The following CCDC91 variants were observed in gnomAD, a reference collection of about 807,000 sequenced individuals.
CCDC91 encodes the protein coiled-coil domain-containing protein 91.
Under a neutral mutation model 63.2 loss-of-function variants are expected in CCDC91, and 48 were observed. The observed-to-expected ratio is 0.76, with a 90% CI of 0.60 to 0.97. CCDC91 has a LOEUF of 0.97. Among genes scored for constraint, CCDC91 ranks in the 50% least tolerant of loss-of-function variants. The pLI, the probability that CCDC91 is intolerant of heterozygous loss-of-function variation, is 0.00. For synonymous variants in CCDC91, 167 were observed against 165.8 expected, an observed-to-expected ratio of 1.01 and a Z score of -0.06; for missense variants, 500 against 494.6, an observed-to-expected ratio of 1.01 and a Z score of -0.10.
intron 8 of CCDC91, among the ~76,000 whole-genome samples, chr12:28,442,434 A>G (rs1183847279): frequency 1.3e-5 from 2 of 152,110 alleles, no homozygotes; most frequent in Non-Finnish European, 2.9e-5. Context: ...GTGTCATTAT[A>G]CATAACTCTG....
At chr12:28,426,193 T>C (rs1025660053) in intron 8 of CCDC91, among the ~76,000 whole-genome samples, 1 of 152,214 alleles carries the variant, frequency 6.6e-6, no homozygotes, top group Non-Finnish European at 1.5e-5. Context: ...GAACCTCTTC[T>C]ATGAGTTAGA....
chr12:28,499,759 G>A (rs972629466), intron 12 of CCDC91, among the ~76,000 whole-genome samples: 2 of 152,104 alleles, frequency 1.3e-5, no homozygotes, highest in African/African-American at 4.8e-5. Context: ...GGGCATTTGG[G>A]TTGGTTCCAA....
intron 12 of CCDC91, among the ~76,000 whole-genome samples, chr12:28,501,413 T>C (rs1301600063): frequency 6.6e-6 from 1 of 151,976 alleles, no homozygotes; most frequent in East Asian, 1.9e-4. Context: ...GTTTTTAGCA[T>C]GAAGGGTTGT....
intron 5 of CCDC91, 50 bp downstream of exon 5, chr12:28,306,995 T>G: frequency 8.3e-7 from 1 of 1,210,636 alleles, no homozygotes; most frequent in Non-Finnish European, 1.2e-6. Context: ...TATTAGAAAT[T>G]TGATATAATC....
rs543920930 is a variant in CCDC91 at position 28,418,167 on chromosome 12, C to T, written c.762+26756C>T. ...TTTCCAATGTGGCTGTACCATTTTGCATTCTCACAAGCAATGTATGTGTGT... is the reference window on the plus strand; with the variant it reads ...TTTCCAATGTGGCTGTACCATTTTGTATTCTCACAAGCAATGTATGTGTGT... On this transcript the variant is annotated intron_variant, in intron 8 of 12. Transcript: ENST00000536442. Among the ~76,000 whole-genome samples the T allele has an allele frequency of 3.3e-5, 5 of 152,208 alleles. No individual in the cohort carries two copies. The East Asian group carries it at 9.7e-4, about 29-fold the overall frequency.
chr12:28,455,484 A>G (rs138297850), intron 11 of CCDC91, among the ~76,000 whole-genome samples: 1 of 152,198 alleles, frequency 6.6e-6, no homozygotes, highest in African/African-American at 2.4e-5. Context: ...TGAGTTTCAC[A>G]TTTATAATTA....
intron 1 of CCDC91, among the ~76,000 whole-genome samples, chr12:28,217,382 A>G (rs1042432454): frequency 2.0e-5 from 3 of 152,156 alleles, no homozygotes; most frequent in African/African-American, 7.2e-5. Context: ...TTGTGGAAAA[A>G]TTTTAGGAAA....
At chr12:28,457,101 T>C (rs1332097042) in intron 11 of CCDC91, among the ~76,000 whole-genome samples, 7 of 152,054 alleles carry the variant, frequency 4.6e-5, no homozygotes, top group African/African-American at 1.2e-4. Flanking sequence ...TAACCCATGA[T>C]TGAGTAGCCA....
chr12:28,506,000 AAAAGCAAATTAATGATTACACATATTTCT>A (rs1938665187), intron 12 of CCDC91, among the ~76,000 whole-genome samples: 1 of 152,024 alleles, frequency 6.6e-6, no homozygotes, highest in Non-Finnish European at 1.5e-5. Flanking sequence ...GCTAAAATCA[AAAAGCAAATTAATGATTACACATATTTCT>A]GGAAGCAGAG....
intron 3 of CCDC91, among the ~76,000 whole-genome samples, chr12:28,300,214 C>T (rs1937905682): frequency 6.6e-6 from 1 of 151,210 alleles, no homozygotes; most frequent in Non-Finnish European, 1.5e-5. Context: ...TGTTTAGATC[C>T]CTGATCCTCT....
chr12:28,533,418 G>A (rs1364190462), intron 12 of CCDC91, among the ~76,000 whole-genome samples: 1 of 151,834 alleles, frequency 6.6e-6, no homozygotes, highest in South Asian at 2.1e-4. Flanking sequence ...AGTTTACGTG[G>A]CTGTAAAATA....
At position 28,243,827 on chromosome 12, in the gene CCDC91, GTC is replaced by G. The variant is rs566952172; in HGVS notation, c.-14-13371_-14-13370del. On this transcript the variant is annotated intron_variant, in intron 1 of 12. Transcript: ENST00000536442. Reference sequence around the variant, plus strand: ...GCCCAAGTGATTTGCCAATAAATAAGTCTCTACCAAAATTTTGAGGAATAGAT... The same window carrying G: ...GCCCAAGTGATTTGCCAATAAATAAGTCTACCAAAATTTTGAGGAATAGAT... Among the ~76,000 whole-genome samples the G allele has an allele frequency of 5.2e-3, 791 of 152,236 alleles. 2 individuals carry two copies. The highest frequency in any genetic ancestry group is 8.6e-3 in the Non-Finnish European group (588 of 68,008).
intron 8 of CCDC91, among the ~76,000 whole-genome samples, chr12:28,410,510 T>C (rs1947249624): frequency 6.8e-6 from 1 of 148,056 alleles, no homozygotes; most frequent in Non-Finnish European, 1.5e-5. Flanking sequence ...TATGTGTTTT[T>C]TGTTTGTTTG....
At chr12:28,387,900 C>T (rs1945704133) in intron 7 of CCDC91, among the ~76,000 whole-genome samples, 1 of 152,144 alleles carries the variant, frequency 6.6e-6, no homozygotes, top group Non-Finnish European at 1.5e-5. Context: ...TGGGTACATA[C>T]CCAGTAGTGG....
chr12:28,261,908 T>C (rs959078832), intron 3 of CCDC91, among the ~76,000 whole-genome samples: 1 of 151,938 alleles, frequency 6.6e-6, no homozygotes, highest in Non-Finnish European at 1.5e-5. Flanking sequence ...AAGAATTAAC[T>C]CTTTCTAGAT....
chr12:28,427,067 C>T (rs929779288), intron 8 of CCDC91, among the ~76,000 whole-genome samples: 1 of 152,112 alleles, frequency 6.6e-6, no homozygotes, highest in Non-Finnish European at 1.5e-5. Flanking sequence ...CAGAGACTTA[C>T]AGCTCTTTCA....
chr12:28,539,651 C>G (rs1406565057), intron 12 of CCDC91, among the ~76,000 whole-genome samples: 2 of 152,176 alleles, frequency 1.3e-5, no homozygotes, highest in African/African-American at 4.8e-5. Flanking sequence ...CCCAGTTTAG[C>G]TTTCTTAACT....
chr12:28,251,913 T>C (rs1384580071), intron 1 of CCDC91, among the ~76,000 whole-genome samples: 1 of 152,274 alleles, frequency 6.6e-6, no homozygotes, highest in Admixed American at 6.5e-5. Flanking sequence ...TCTTTCCTAA[T>C]CCTATGTCTT....
At chr12:28,542,188 G>T (rs889023891) in intron 12 of CCDC91, among the ~76,000 whole-genome samples, 26 of 152,096 alleles carry the variant, frequency 1.7e-4, no homozygotes, top group Admixed American at 5.3e-4. Flanking sequence ...TGGATTATTT[G>T]GTAGTTTGGG....
Sources: allele counts gnomAD v4.1 joint callset (sites outside exome capture counted in the v4.1 genomes callset), GRCh38; gene constraint gnomAD v4.1.1; transcripts MANE v1.5; gene names NCBI Gene and HGNC (gene_info 2026-07-23, HGNC 2026-07-21).